Variants in KLHL29 observed in about 807,000 individuals in gnomAD.
KLHL29 encodes kelch like family member 29, also known as kelch-like protein 29.
In KLHL29, 21 loss-of-function variants were observed where a neutral mutation model predicts 80.4. That is an observed-to-expected ratio of 0.26 (90% CI 0.19 to 0.38). The LOEUF (loss-of-function observed/expected upper bound fraction) is 0.38. Among genes scored for constraint, KLHL29 ranks in the 10% least tolerant of loss-of-function variants. The pLI is 1.00. For synonymous variants in KLHL29, 511 were observed against 526.8 expected (o/e 0.97, Z 0.41); for missense variants, 867 against 1,223.9 (o/e 0.71, Z 4.35).
At chr2:23,475,024 A>G (rs1387101047) in intron 1 of KLHL29, among the ~76,000 whole-genome samples, 1 of 151,424 alleles carries the variant, frequency 6.6e-6, no homozygotes, top group African/African-American at 2.4e-5. Context: ...AAAAAAAAAA[A>G]TTCTCCCCAG....
At chr2:23,687,600 G>A (rs920524516) in intron 6 of KLHL29, among the ~76,000 whole-genome samples, 9 of 152,338 alleles carry the variant, frequency 5.9e-5, no homozygotes, top group Admixed American at 2.0e-4. Flanking sequence ...GCAAGGAGAC[G>A]AGCAGAGACG....
chr2:23,574,032 C>T (rs1036768036), intron 3 of KLHL29, among the ~76,000 whole-genome samples: 1 of 152,058 alleles, frequency 6.6e-6, no homozygotes, highest in Non-Finnish European at 1.5e-5. Flanking sequence ...GTCCCTCGGT[C>T]GTTCTTGGTG....
At chr2:23,608,486 CGTA>C (rs1204840146) in intron 3 of KLHL29, among the ~76,000 whole-genome samples, 1 of 151,486 alleles carries the variant, frequency 6.6e-6, no homozygotes, top group African/African-American at 2.4e-5. Flanking sequence ...CCTGGAATAT[CGTA>C]GGAGCTCAGA....
At chr2:23,403,030 A>G (rs1381506902) in intron 1 of KLHL29, among the ~76,000 whole-genome samples, 1 of 132,740 alleles carries the variant, frequency 7.5e-6, no homozygotes, top group Non-Finnish European at 1.6e-5. Flanking sequence ...AGTGTACACT[A>G]TAATGTCAAG....
intron 2 of KLHL29, among the ~76,000 whole-genome samples, chr2:23,551,479 C>T (rs1404773735): frequency 6.6e-6 from 1 of 152,146 alleles, no homozygotes; most frequent in East Asian, 1.9e-4. Flanking sequence ...ACTGCTTTTC[C>T]AAGACAGGGA....
chr2:23,414,200 CA>C (rs1666929472), intron 1 of KLHL29, among the ~76,000 whole-genome samples: 1 of 152,230 alleles, frequency 6.6e-6, no homozygotes, highest in Admixed American at 6.5e-5. Flanking sequence ...TTCTCCATCT[CA>C]CTGAGCGAGA....
At chr2:23,409,711 C>T (rs1666816341) in intron 1 of KLHL29, among the ~76,000 whole-genome samples, 1 of 152,146 alleles carries the variant, frequency 6.6e-6, no homozygotes, top group South Asian at 2.1e-4. Context: ...TGTTGGAACT[C>T]GACAGGGAGC....
In KLHL29 at chr2:23,554,699, CG is replaced by C. The variant is rs796904154; in HGVS notation, c.-45-7450del. On this transcript the variant is annotated intron_variant, in intron 2 of 13. Coordinates refer to ENST00000486442, the MANE Select transcript of KLHL29 (RefSeq NM_052920.2). Reference sequence around the variant, plus strand: ...ATCCTGTTCCTGAGCAGGCACTCTCCGGGCCCAGGGCTGAGGGCTGCTGGAC... The same window carrying C: ...ATCCTGTTCCTGAGCAGGCACTCTCCGGCCCAGGGCTGAGGGCTGCTGGAC... Among the ~76,000 whole-genome samples, 8 of 152,298 alleles carry C rather than the reference CG, an allele frequency of 5.3e-5. 1 individual carries two copies. The highest frequency in any genetic ancestry group is 1.9e-4 in the African/African-American group (8 of 41,564).
chr2:23,653,182 A>G (rs1670133700), intron 5 of KLHL29, among the ~76,000 whole-genome samples: 1 of 152,226 alleles, frequency 6.6e-6, no homozygotes, highest in African/African-American at 2.4e-5. Flanking sequence ...ACCTACAGTC[A>G]GCCAGGAAAA....
chr2:23,703,694 C>T (rs911939234), intron 12 of KLHL29, 25 bp from the exon 13 acceptor site: 1 of 1,520,876 alleles, frequency 6.6e-7, no homozygotes, highest in African/African-American at 1.4e-5. Context: ...GCTGCCGTGA[C>T]CTGCCTGCTC....
intron 3 of KLHL29, among the ~76,000 whole-genome samples, chr2:23,586,362 C>T (rs1376541451): frequency 2.1e-5 from 2 of 96,990 alleles, no homozygotes; most frequent in African/African-American, 8.9e-5. Flanking sequence ...AAAAGCATTA[C>T]TTTTTTTTTT....
Position 23,551,652 on chromosome 2 carries a change from A to G in KLHL29, c.-45-10500A>G, listed in dbSNP as rs1484106399. ...TTTTCCAAATATATATCTGTCCCCCAGGGCCATCTAGGGAGTCAGAATGCC... is the reference window on the plus strand; with the variant it reads ...TTTTCCAAATATATATCTGTCCCCCGGGGCCATCTAGGGAGTCAGAATGCC... On this transcript the variant is annotated intron_variant, in intron 2 of 13. Transcript: ENST00000486442. Among the ~76,000 whole-genome samples, 4 of 152,230 alleles carry G rather than the reference A, an allele frequency of 2.6e-5. No homozygotes were observed. In the East Asian group the frequency reaches 5.8e-4, roughly 22 times the overall value.
intron 2 of KLHL29, among the ~76,000 whole-genome samples, chr2:23,549,095 C>T (rs1164157484): frequency 2.6e-5 from 4 of 152,190 alleles, no homozygotes; most frequent in Non-Finnish European, 4.4e-5. Context: ...TCAGCGTCCC[C>T]GCCTTGGGCC....
chr2:23,486,357 T>G (rs954085186), intron 2 of KLHL29, among the ~76,000 whole-genome samples: 1 of 151,784 alleles, frequency 6.6e-6, no homozygotes, highest in African/African-American at 2.4e-5. Context: ...ATGCTGGGGC[T>G]TATCCCTCCC....
chr2:23,688,643 G>C (rs1217251248), intron 6 of KLHL29: 1 of 151,778 alleles, frequency 6.6e-6, no homozygotes, highest in African/African-American at 2.4e-5. Flanking sequence ...CTGGTCTTCT[G>C]ACAGACCCCA....
In KLHL29 at chr2:23,385,775, C is replaced by T. The variant is rs1199248140; in HGVS notation, c.-159C>T. 3 of 141,334 alleles carry T rather than the reference C, an allele frequency of 2.1e-5. No individual in the cohort carries two copies. Among genetic ancestry groups the T allele is most frequent in the Non-Finnish European group, 4.7e-5 (3 of 63,532 alleles). 8.8% of individuals were successfully genotyped at this position (141,334 alleles called of 1,614,324 possible). ...GTCGGGCCGGGGCCGGAGCCGCGCG[C>T]CGGAGGTAAGAGCCGGGCCGGGCTG... On this transcript the variant is annotated 5_prime_UTR_variant, in exon 1 of 14. Transcript: ENST00000486442.
At chr2:23,400,600 G>A (rs2577750) in intron 1 of KLHL29, among the ~76,000 whole-genome samples, 10,119 of 152,186 alleles carry the variant, frequency 0.066, 630 homozygotes, top group African/African-American at 0.17. Flanking sequence ...AGGCCAAGGT[G>A]GGAGCGTTGC....
chr2:23,554,064 G>T (rs1030223405), intron 2 of KLHL29, among the ~76,000 whole-genome samples: 1 of 152,194 alleles, frequency 6.6e-6, no homozygotes, highest in Non-Finnish European at 1.5e-5. Flanking sequence ...GCTCCATGGG[G>T]CTGGGGGTCA....
rs578068373 is a variant in KLHL29 at position 23,670,575 on chromosome 2, G to A, written c.941-13824G>A. 1.4e-4 allele frequency among the ~76,000 whole-genome samples: 22 copies of A among 152,276 alleles called. No individual in the cohort carries two copies. The East Asian group carries it at 2.7e-3, about 19-fold the overall frequency. The stretch of plus-strand genomic sequence containing the variant: ...CCTGACTCCCTGACTCTGTGCCAGG[G>A]CCTGCGGCGGGGGGCTGATCACCTG... On this transcript the variant is annotated intron_variant, in intron 5 of 13. Coordinates refer to ENST00000486442, the MANE Select transcript of KLHL29 (RefSeq NM_052920.2).
Sources: allele counts gnomAD v4.1 joint callset (sites outside exome capture counted in the v4.1 genomes callset), GRCh38; gene constraint gnomAD v4.1.1; transcripts MANE v1.5; gene names NCBI Gene and HGNC (gene_info 2026-07-23, HGNC 2026-07-21).